Variants in TFPI observed in about 807,000 individuals in gnomAD.
The protein encoded by TFPI is tissue factor pathway inhibitor.
Under a neutral mutation model 34.6 loss-of-function variants are expected in TFPI, and 15 were observed. That is an observed-to-expected ratio of 0.43 (90% CI 0.29 to 0.67). The LOEUF (loss-of-function observed/expected upper bound fraction) is 0.67. TFPI is among the 30% of genes least tolerant of loss of function. The pLI is 0.15. For synonymous variants in TFPI, 105 were observed against 120.1 expected (o/e 0.87, Z 0.82); for missense variants, 301 against 364.0 (o/e 0.83, Z 1.41).
intron 3 of TFPI, among the ~76,000 whole-genome samples, chr2:187,494,160 G>T (rs1445433517): frequency 6.6e-6 from 1 of 152,116 alleles, no homozygotes; most frequent in South Asian, 2.1e-4. Context: ...CACGATAATA[G>T]CATGGGAAAG....
intron 6 of TFPI, chr2:187,478,891 A>G (rs1177206227): frequency 4.0e-5 from 42 of 1,044,606 alleles, no homozygotes; most frequent in Non-Finnish European, 5.3e-5. Context: ...GGGGAAGTCT[A>G]TAAACTGTAT....
chr2:187,507,950 T>G (rs1303868175), intron 1 of TFPI, among the ~76,000 whole-genome samples: 4 of 152,108 alleles, frequency 2.6e-5, no homozygotes, highest in African/African-American at 9.7e-5. Context: ...TTAGGTCTTA[T>G]GTTTAAGTCT....
At chr2:187,491,395 C>T (rs1362322361) in intron 3 of TFPI, among the ~76,000 whole-genome samples, 1 of 151,556 alleles carries the variant, frequency 6.6e-6, no homozygotes, top group Non-Finnish European at 1.5e-5. Context: ...TCTACTATGC[C>T]CACATGTATG....
At chr2:187,486,534 G>A (rs1308556338) in intron 4 of TFPI, among the ~76,000 whole-genome samples, 1 of 151,472 alleles carries the variant, frequency 6.6e-6, no homozygotes, top group Non-Finnish European at 1.5e-5. Context: ...ACAATAAACT[G>A]TACAACTGAA....
chr2:187,484,779 A>G, intron 5 of TFPI, 32 bp downstream of exon 5: 1 of 1,552,558 alleles, frequency 6.4e-7, no homozygotes, highest in African/African-American at 1.4e-5. Context: ...ATGCCTATAA[A>G]TGAACTAAAA....
At chr2:187,492,061 T>G (rs1179734752) in intron 3 of TFPI, among the ~76,000 whole-genome samples, 1 of 152,182 alleles carries the variant, frequency 6.6e-6, no homozygotes, top group Non-Finnish European at 1.5e-5. Context: ...ATTTTCTTGT[T>G]GAATTGTTTG....
At chr2:187,468,679 G>A (rs1167906313) in intron 6 of TFPI, among the ~76,000 whole-genome samples, 2 of 152,068 alleles carry the variant, frequency 1.3e-5, no homozygotes, top group Admixed American at 6.6e-5. Flanking sequence ...AATACAATTA[G>A]GGTAATAAAA....
In TFPI at chr2:187,478,541, T is replaced by C. The variant is rs541150698; in HGVS notation, c.628+5583A>G. On this transcript the variant is annotated intron_variant, in intron 6 of 7. Transcript: ENST00000233156. ...AGAATATTCATTTTTCTTTGCTAGT[T>C]AGACATTTACAAGTGAGGTGCAGTG... The C allele has an allele frequency of 3.2e-6, 4 of 1,246,722 alleles. No individual in the cohort carries two copies. In the African/African-American group the frequency reaches 4.6e-5, roughly 14 times the overall value. 77.2% of individuals were successfully genotyped at this position (1,246,722 alleles called of 1,614,324 possible). A position where few individuals can be genotyped will look rare whatever the true frequency, so the allele number is the denominator to read the frequency against.
chr2:187,478,253 G>A (rs1035222399), intron 6 of TFPI, among the ~76,000 whole-genome samples: 4 of 151,994 alleles, frequency 2.6e-5, no homozygotes, highest in Admixed American at 2.6e-4. Context: ...CCAGCTACTC[G>A]GGAGGCTGAG....
chr2:187,524,299 CTA>C (rs1324769199), intron 1 of TFPI, among the ~76,000 whole-genome samples: 2 of 151,982 alleles, frequency 1.3e-5, no homozygotes, highest in Non-Finnish European at 2.9e-5. Flanking sequence ...CATGGCAATT[CTA>C]TGTTTAACCA....
chr2:187,493,697 T>A (rs1404127237), intron 3 of TFPI, among the ~76,000 whole-genome samples: 1 of 152,154 alleles, frequency 6.6e-6, no homozygotes, highest in Non-Finnish European at 1.5e-5. Context: ...TTACTCTACA[T>A]CATTTCTTCA....
At chr2:187,546,920 T>G (rs1231582865) in intron 1 of TFPI, 1 of 152,234 alleles carries the variant, frequency 6.6e-6, no homozygotes, top group Non-Finnish European at 1.5e-5. Context: ...ACATGTGCTT[T>G]GCAAATACAT....
At chr2:187,524,726 C>G (rs978279108) in intron 1 of TFPI, among the ~76,000 whole-genome samples, 1 of 151,946 alleles carries the variant, frequency 6.6e-6, no homozygotes, top group African/African-American at 2.4e-5. Context: ...TCTTGTATTG[C>G]TTTTCATTTT....
At chr2:187,553,485 C>T (rs1048153546) in intron 1 of TFPI, among the ~76,000 whole-genome samples, 1 of 151,926 alleles carries the variant, frequency 6.6e-6, no homozygotes, top group African/African-American at 2.4e-5. Context: ...TGGTTGTTTA[C>T]TGCTGTATTA....
intron 1 of TFPI, among the ~76,000 whole-genome samples, chr2:187,548,168 T>C (rs1688964731): frequency 6.6e-6 from 1 of 152,112 alleles, no homozygotes; most frequent in African/African-American, 2.4e-5. Context: ...AGTATAATGA[T>C]AGAACAGAAA....
At chr2:187,470,458 A>C (rs1691967566) in intron 6 of TFPI, among the ~76,000 whole-genome samples, 2 of 152,198 alleles carry the variant, frequency 1.3e-5, no homozygotes, top group African/African-American at 4.8e-5. Context: ...TACAGTCCCT[A>C]GATTGGACGT....
intron 3 of TFPI, among the ~76,000 whole-genome samples, chr2:187,489,725 A>G (rs1316765140): frequency 1.3e-5 from 2 of 151,640 alleles, no homozygotes; most frequent in East Asian, 1.9e-4. Context: ...TACATTGTAA[A>G]TAGGATTAAT....
At chr2:187,548,916 A>C (rs1160261181) in intron 1 of TFPI, among the ~76,000 whole-genome samples, 1 of 152,112 alleles carries the variant, frequency 6.6e-6, no homozygotes, top group Non-Finnish European at 1.5e-5. Flanking sequence ...CATACTAAGG[A>C]AAGTTAATTC....
chr2:187,467,725 C>G (rs1553519308), intron 7 of TFPI, 28 bp downstream of exon 7: 2 of 1,521,988 alleles, frequency 1.3e-6, no homozygotes, highest in Non-Finnish European at 1.8e-6. Flanking sequence ...AAACACTAGT[C>G]AATTAATGGG....
Sources: gnomAD v4.1 joint callset for allele counts (sites outside exome capture counted in the v4.1 genomes callset) on GRCh38, gnomAD v4.1.1 for gene constraint, MANE v1.5 for transcripts, NCBI Gene and HGNC (gene_info 2026-07-23, HGNC 2026-07-21) for gene names.